The following MAD2L2 variants were observed in gnomAD, a reference collection of about 807,000 sequenced individuals.
MAD2L2 encodes mitotic spindle assembly checkpoint protein MAD2B.
MAD2L2 carries 17 observed loss-of-function variants against 30.5 expected under a neutral mutation model. That is an observed-to-expected ratio of 0.56 (90% CI 0.38 to 0.84). The LOEUF (loss-of-function observed/expected upper bound fraction) is 0.84. MAD2L2 is among the 40% of genes least tolerant of loss of function. The pLI is 0.00. For synonymous variants in MAD2L2, 101 were observed against 113.9 expected, an observed-to-expected ratio of 0.89 and a Z score of 0.72; for missense variants, 213 against 277.4, an observed-to-expected ratio of 0.77 and a Z score of 1.65.
Position 11,680,588 on chromosome 1 carries a change from G to T in MAD2L2, c.14C>A (p.Thr5Lys). 1.3e-6 allele frequency: 2 copies of T among 1,579,844 alleles called. No individual in the cohort carries two copies. Among genetic ancestry groups the T allele is most frequent in the Non-Finnish European group, 1.7e-6 (2 of 1,159,796 alleles). The change falls in exon 2 of 9, where the codon ACA (threonine) becomes AAA (lysine). Residue 5 changes from threonine to lysine, a missense_variant. By Grantham distance (78) the Thr-to-Lys change is moderately conservative. Coordinates refer to ENST00000376692, the MANE Select transcript of MAD2L2 (RefSeq NM_006341.4). MTTL[T>K]RQDLNFGQVV... ...TTGGCCAAAGTTGAGGTCTTGTCGTGTGAGCGTGGTCATCCTTCCCGCTAC... is the reference window on the plus strand; with the variant it reads ...TTGGCCAAAGTTGAGGTCTTGTCGTTTGAGCGTGGTCATCCTTCCCGCTAC...
At chr1:11,675,609 C>T in intron 7 of MAD2L2, 49 bp downstream of exon 7, 1 of 1,576,686 alleles carries the variant, frequency 6.3e-7, no homozygotes. Flanking sequence ...GGAACTGCGA[C>T]ATCACGTTTC....
intron 4 of MAD2L2, 45 bp downstream of exon 4, chr1:11,677,498 G>A: frequency 1.3e-6 from 2 of 1,569,662 alleles, no homozygotes; most frequent in East Asian, 2.2e-5. Flanking sequence ...CAGGGACGGG[G>A]GTGAGCATGG....
chr1:11,686,628 C>T (rs931100024), intron 1 of MAD2L2, among the ~76,000 whole-genome samples: 1 of 152,080 alleles, frequency 6.6e-6, no homozygotes, highest in African/African-American at 2.4e-5. Flanking sequence ...GCCTCGAACT[C>T]CTGACCCCAA....
At chr1:11,686,667 T>G (rs890308314) in intron 1 of MAD2L2, among the ~76,000 whole-genome samples, 4 of 152,148 alleles carry the variant, frequency 2.6e-5, no homozygotes, top group Non-Finnish European at 5.9e-5. Context: ...CCTGCCAAAG[T>G]GTTGGGATTA....
chr1:11,690,522 G>A lies in MAD2L2; in HGVS notation c.-692+891C>T, dbSNP rs1447746371. Among the ~76,000 whole-genome samples, 3 of 152,218 alleles carry A rather than the reference G, an allele frequency of 2.0e-5. No homozygotes were observed. On this transcript the variant is annotated intron_variant, in intron 1 of 10. Transcript: ENST00000235310. The surrounding 1 kb of genome is among the most constrained non-coding windows in gnomAD (Gnocchi z 4.2). ...GTCAGGCGACTTGCTCGAGGTCATA[G>A]GGGACGGCATCAGAAGAGGAACACA...
At chr1:11,676,703 G>A in intron 5 of MAD2L2, 145 bp downstream of exon 5, 1 of 692,262 alleles carries the variant, frequency 1.4e-6, no homozygotes. Context: ...CTGCTCACAG[G>A]CTGTCCCCTT....
At chr1:11,683,215 G>A (rs546930059), upstream of MAD2L2, among the ~76,000 whole-genome samples, 2 of 152,268 alleles carry the variant, frequency 1.3e-5, no homozygotes, top group South Asian at 4.1e-4. Flanking sequence ...CTCCCTCCAT[G>A]AGCTCCCAGC....
At chr1:11,678,343 G>A (rs977590449) in intron 3 of MAD2L2, among the ~76,000 whole-genome samples, 8 of 152,094 alleles carry the variant, frequency 5.3e-5, no homozygotes, top group African/African-American at 1.4e-4. Context: ...CCTGGGAGGC[G>A]GAGGTTGCAG....
intron 4 of MAD2L2, 181 bp downstream of exon 4, chr1:11,677,362 C>T: frequency 3.1e-6 from 2 of 649,272 alleles, no homozygotes; most frequent in South Asian, 3.9e-5. Flanking sequence ...GGCCCGCATG[C>T]CTTGGGGCCT....
intron 3 of MAD2L2, among the ~76,000 whole-genome samples, chr1:11,678,975 C>A (rs1640816872): frequency 1.3e-5 from 2 of 152,088 alleles, no homozygotes; most frequent in Admixed American, 1.3e-4. Flanking sequence ...ACCAGCCTGG[C>A]CAACACGGCG....
At chr1:11,684,118 G>C (rs937881859), upstream of MAD2L2, among the ~76,000 whole-genome samples, 2 of 149,344 alleles carry the variant, frequency 1.3e-5, no homozygotes, top group African/African-American at 4.9e-5. Flanking sequence ...TTAGTGAAAT[G>C]AACAGGCCAG....
rs562185442 is a variant in MAD2L2 at position 11,678,890 on chromosome 1, T to C, written c.160-1276A>G. Among the ~76,000 whole-genome samples the C allele has an allele frequency of 8.5e-5, 13 of 152,270 alleles. No homozygotes were observed. In the East Asian group the frequency reaches 2.5e-3, roughly 29 times the overall value. On this transcript the variant is annotated intron_variant, in intron 3 of 8. Transcript: ENST00000376692. ...ATCTAACACAAAACCTGTTTCATAA[T>C]AAAGTGCTCACGCCTGTAATCCCAG... is the stretch of plus-strand genomic sequence containing the variant.
rs1369120504 is a variant in MAD2L2 at position 11,675,687 on chromosome 1, G to A, written c.472C>T (p.Arg158Cys). 5.6e-6 allele frequency: 9 copies of A among 1,614,072 alleles called. No individual in the cohort carries two copies. Among genetic ancestry groups the A allele is most frequent in the South Asian group, 1.1e-5 (1 of 91,062 alleles). The change falls in exon 7 of 9, where the codon CGC (arginine) becomes TGC (cysteine). Residue 158 changes from arginine (R) to cysteine (C), a missense_variant. Physicochemically the swap from Arg to Cys is radical, Grantham distance 180. Coordinates refer to ENST00000376692, the MANE Select transcript of MAD2L2 (RefSeq NM_006341.4). ...ATGACCTGGATCTTCTCCATGTTGCGAGTGGCGGCTTCTCTCGTGTGCACC... is the reference window on the plus strand; with the variant it reads ...ATGACCTGGATCTTCTCCATGTTGCAAGTGGCGGCTTCTCTCGTGTGCACC... ...VLVHTREAATRNMEKIQVIKD... is the reference protein window; with the variant it reads ...VLVHTREAATCNMEKIQVIKD...
upstream of MAD2L2, among the ~76,000 whole-genome samples, chr1:11,684,126 C>CAGAT (rs1333375858): frequency 3.6e-4 from 54 of 150,822 alleles, no homozygotes; most frequent in Non-Finnish European, 2.2e-4. Context: ...ATGAACAGGC[C>CAGAT]AGATAGATGT....
Position 11,674,855 on chromosome 1 carries a change from G to C in MAD2L2, c.595-39C>G, listed in dbSNP as rs1195387015. 1 of 1,610,866 alleles carries C rather than the reference G, an allele frequency of 6.2e-7. No individual in the cohort carries two copies. Among genetic ancestry groups the C allele is most frequent in the Non-Finnish European group, 8.5e-7 (1 of 1,177,548 alleles). ...GCAAACAGCCACAGTCAGCAAGACA[G>C]CCAGGGCATCCCTGCTGGAGGACAC... is the stretch of plus-strand genomic sequence containing the variant. On this transcript the variant is annotated intron_variant, in intron 8 of 8. Transcript: ENST00000376692. The surrounding 1 kb of genome is among the most constrained non-coding windows in gnomAD (Gnocchi z 6.1).
Position 11,674,997 on chromosome 1 carries a change from A to G in MAD2L2, c.594+85T>C. ...CAGGCACTCCCCCGTTCTCTCCCGCAAGCCCTCTAGTAAGGCCTCAGCACC... is the reference window on the plus strand; with the variant it reads ...CAGGCACTCCCCCGTTCTCTCCCGCGAGCCCTCTAGTAAGGCCTCAGCACC... On this transcript the variant is annotated intron_variant, in intron 8 of 8. Coordinates refer to ENST00000376692, the MANE Select transcript of MAD2L2 (RefSeq NM_006341.4). The surrounding 1 kb of genome is among the most constrained non-coding windows in gnomAD (Gnocchi z 6.1). 7.5e-7 allele frequency: 1 copy of G among 1,328,514 alleles called. No homozygotes were observed. Among genetic ancestry groups the G allele is most frequent in the Non-Finnish European group, 1.1e-6 (1 of 946,868 alleles). 82.3% of individuals were successfully genotyped at this position (1,328,514 alleles called of 1,614,324 possible).
chr1:11,679,602 C>T (rs1051687325), intron 3 of MAD2L2, among the ~76,000 whole-genome samples: 2 of 148,870 alleles, frequency 1.3e-5, no homozygotes, highest in African/African-American at 5.2e-5. Flanking sequence ...TCTGGGCTTA[C>T]TTCAACCTCT....
At chr1:11,684,578 G>T (rs1640928162), upstream of MAD2L2, among the ~76,000 whole-genome samples, 1 of 152,134 alleles carries the variant, frequency 6.6e-6, no homozygotes. Context: ...CAGCAAAGAG[G>T]AAGACCTGCT....
chr1:11,683,114 G>T (rs1640904045), upstream of MAD2L2, among the ~76,000 whole-genome samples: 1 of 152,204 alleles, frequency 6.6e-6, no homozygotes, highest in Non-Finnish European at 1.5e-5. Context: ...CTTCAGACTG[G>T]GGCCTGGGGT....
Sources: gnomAD v4.1 joint callset for allele counts (sites outside exome capture counted in the v4.1 genomes callset) on GRCh38, gnomAD v4.1.1 for gene constraint, Gnocchi (gnomAD v3.1) non-coding constraint, MANE v1.5 for transcripts, NCBI Gene and HGNC (gene_info 2026-07-23, HGNC 2026-07-21) for gene names.